CTNND1: variants seen among roughly 807,000 people sequenced by gnomAD.
CTNND1 encodes the protein catenin delta 1, also known as catenin delta-1.
A neutral mutation model predicts 112.1 loss-of-function variants in CTNND1; 16 were observed. The observed-to-expected ratio is 0.14, with a 90% CI of 0.10 to 0.22. CTNND1 has a LOEUF of 0.22. CTNND1 is among the 10% of genes least tolerant of loss of function. The pLI, the probability that CTNND1 is intolerant of heterozygous loss-of-function variation, is 1.00. For synonymous variants in CTNND1, 420 were observed against 446.5 expected (o/e 0.94, Z 0.75); for missense variants, 1,008 against 1,257.0 (o/e 0.80, Z 3.00).
intron 1 of CTNND1, among the ~76,000 whole-genome samples, chr11:57,772,186 C>T (rs554119312): frequency 1.1e-3 from 160 of 151,638 alleles, no homozygotes; most frequent in Non-Finnish European, 1.7e-3. Context: ...CCTGCCTCGC[C>T]CTCCCAAAGT....
chr11:57,771,102 G>GA (rs918912217), intron 1 of CTNND1, among the ~76,000 whole-genome samples: 76 of 144,864 alleles, frequency 5.2e-4, no homozygotes, highest in African/African-American at 1.3e-3. Flanking sequence ...ATCACAGTTG[G>GA]AAAAAAAAAA....
At chr11:57,779,241 C>G (rs2059323721) in intron 1 of CTNND1, among the ~76,000 whole-genome samples, 1 of 152,164 alleles carries the variant, frequency 6.6e-6, no homozygotes, top group Non-Finnish European at 1.5e-5. Flanking sequence ...CAGGAGAAAC[C>G]TACCCGCTTA....
chr11:57,801,857 C>T lies in CTNND1; in HGVS notation c.1081C>T (p.Pro361Ser). The change falls in exon 7 of 21, where the codon CCT (proline) becomes TCT (serine). Residue 361 changes from proline (P) to serine (S), a missense_variant. Transcript: ENST00000399050. ...DSLRKGGPPP[P>S]NWRQPELPEV... Reference sequence around the variant, plus strand: ...CCTGCGCAAAGGAGGGCCTCCACCTCCTAATTGGAGACAGCCAGAGCTGCC... The same window carrying T: ...CCTGCGCAAAGGAGGGCCTCCACCTTCTAATTGGAGACAGCCAGAGCTGCC... 1.2e-6 allele frequency: 2 copies of T among 1,614,050 alleles called. No homozygotes were observed. Among genetic ancestry groups the T allele is most frequent in the African/African-American group, 2.7e-5 (2 of 75,052 alleles).
chr11:57,766,077 G>A (rs1950992933), intron 1 of CTNND1, among the ~76,000 whole-genome samples: 1 of 152,112 alleles, frequency 6.6e-6, no homozygotes, highest in South Asian at 2.1e-4. Context: ...CCTCCAGACT[G>A]GGCTTGCAGA....
intron 18 of CTNND1, among the ~76,000 whole-genome samples, chr11:57,814,636 T>G (rs549740153): frequency 1.3e-5 from 2 of 152,320 alleles, no homozygotes; most frequent in Admixed American, 1.3e-4. Context: ...TGTAGCCCAT[T>G]ATATTCCTAC....
intron 5 of CTNND1, among the ~76,000 whole-genome samples, chr11:57,796,247 G>A (rs143706233): frequency 6.6e-6 from 1 of 151,964 alleles, no homozygotes; most frequent in Admixed American, 6.6e-5. Flanking sequence ...TTAGCCAGGT[G>A]TGGTGGTGTG....
chr11:57,804,883 T>A (rs2062453944), intron 9 of CTNND1, 103 bp downstream of exon 9: 2 of 798,284 alleles, frequency 2.5e-6, no homozygotes, highest in Admixed American at 4.7e-5. Context: ...CAAGTAACAT[T>A]AAATATTTAT....
chr11:57,814,008 G>A (rs189687924), intron 17 of CTNND1: 5 of 214,860 alleles, frequency 2.3e-5, no homozygotes, highest in Admixed American at 2.3e-4. Flanking sequence ...AGATGGAATT[G>A]TTTTTTGATT....
Position 57,803,615 on chromosome 11 carries a change from T to C in CTNND1, c.1421-6T>C, listed in dbSNP as rs1192205733. ...CAAGAGCCATCTGATGAATTGTCTC[T>C]TCCAGGAACCCTGTGGAATCTTTCA... On this transcript the variant is annotated splice_region_variant and splice_polypyrimidine_tract_variant and intron_variant, in intron 7 of 20. Transcript: ENST00000399050. 1.1e-5 allele frequency: 18 copies of C among 1,605,060 alleles called. No homozygotes were observed. Among genetic ancestry groups the C allele is most frequent in the East Asian group, 2.2e-5 (1 of 44,648 alleles).
At chr11:57,791,333 T>A (rs1473306267) in intron 2 of CTNND1, 52 bp from the exon 3 acceptor site, 2 of 1,278,164 alleles carry the variant, frequency 1.6e-6, no homozygotes, top group Non-Finnish European at 2.0e-6. Context: ...AATTCATCTG[T>A]CTTCTCTGAC....
rs2062295919 is a variant in CTNND1, at chr11:57,803,653, A to G, written c.1453A>G (p.Ile485Val). Residue 485 changes from isoleucine (I) to valine (V), a missense_variant, in exon 8 of 21, where the codon ATC (isoleucine) becomes GTC (valine). Physicochemically the swap from Ile to Val is conservative, Grantham distance 29. Around this residue, in one of 5 missense-constraint regions of CTNND1, gnomAD observed 216 missense variants for 342.8 expected, o/e 0.63. Transcript: ENST00000399050. ...GTGGAATCTTTCATCCCATGACTCA[A>G]TCAAAATGGAGATTGTGGACCATGC... ...TLWNLSSHDSIKMEIVDHALH... is the reference protein window; with the variant it reads ...TLWNLSSHDSVKMEIVDHALH... 1 of 1,612,666 alleles carries G rather than the reference A, an allele frequency of 6.2e-7. No homozygotes were observed. Among genetic ancestry groups the G allele is most frequent in the Non-Finnish European group, 8.5e-7 (1 of 1,179,450 alleles).
Position 57,796,949 on chromosome 11 carries a change from G to A in CTNND1, c.913G>A (p.Ala305Thr), listed in dbSNP as rs781576286. The change falls in exon 6 of 21, where the codon GCC (alanine) becomes ACC (threonine). Residue 305 changes from alanine to threonine, a missense_variant. Coordinates refer to ENST00000399050, the MANE Select transcript of CTNND1 (RefSeq NM_001085458.2). ...TGGTATGATGTCTGATTATGGCACT[G>A]CCCGTCGGACTGGGACACCCTCTGA... Reference protein sequence around the residue: ...DYGMMSDYGTARRTGTPSDPR... With the variant: ...DYGMMSDYGTTRRTGTPSDPR... 19 of 1,540,194 alleles carry A rather than the reference G, an allele frequency of 1.2e-5. 1 individual carries two copies. The South Asian group carries it at 2.3e-4, about 19-fold the overall frequency.
rs920179547 is a variant in CTNND1, at chr11:57,794,013, G to A, written c.199G>A (p.Gly67Ser). Reference sequence around the variant, plus strand: ...CTTCTTGTGGGCTGTGTTTCAGAACGGCCGGTTTGTGGGCGATGCTGACCT... The same window carrying A: ...CTTCTTGTGGGCTGTGTTTCAGAACAGCCGGTTTGTGGGCGATGCTGACCT... ...NGTLTRRHQN[G>S]RFVGDADLER... The change falls in exon 4 of 21, where the codon GGC (glycine) becomes AGC (serine). Residue 67 changes from glycine (G) to serine (S), a missense_variant. By Grantham distance (56) the Gly-to-Ser change is moderately conservative. Coordinates refer to ENST00000399050, the MANE Select transcript of CTNND1 (RefSeq NM_001085458.2). 10 of 1,613,806 alleles carry A rather than the reference G, an allele frequency of 6.2e-6. No homozygotes were observed. The highest frequency in any genetic ancestry group is 2.7e-5 in the African/African-American group (2 of 74,900).
rs1367783248 is a variant in CTNND1, at chr11:57,791,437, T to G, written c.-42T>G. ...CTTCTCCTTCCTCTGTGATTCACCT[T>G]CCTTTTTACCCTGCCCTGCGGCGGC... On this transcript the variant is annotated 5_prime_UTR_variant, in exon 3 of 21. Transcript: ENST00000399050. 1 of 1,396,668 alleles carries G rather than the reference T, an allele frequency of 7.2e-7. No individual in the cohort carries two copies. Among genetic ancestry groups the G allele is most frequent in the South Asian group, 1.6e-5 (1 of 62,592 alleles). The allele number at this position is 1,396,668 out of a possible 1,614,324, so 86.5% of individuals were successfully genotyped here.
chr11:57,814,645 A>G (rs2063744909), intron 18 of CTNND1, among the ~76,000 whole-genome samples: 1 of 151,910 alleles, frequency 6.6e-6, no homozygotes, highest in African/African-American at 2.4e-5. Context: ...TTATATTCCT[A>G]CCCCAGTCTC....
intron 7 of CTNND1, 39 bp downstream of exon 7, chr11:57,802,235 T>TA (rs1236727212): frequency 9.2e-6 from 14 of 1,520,328 alleles, no homozygotes; most frequent in African/African-American, 4.1e-5. Context: ...AAGTCAGTGT[T>TA]ACTCTCTAGT....
intron 7 of CTNND1, 101 bp from the exon 8 acceptor site, chr11:57,803,520 G>T: frequency 1.2e-6 from 1 of 864,490 alleles, no homozygotes; most frequent in East Asian, 2.8e-5. Flanking sequence ...TTGGTCACTG[G>T]GGAAGACTGA....
rs188660755 is a variant in CTNND1, at chr11:57,764,508, A to G, written c.-214+2389A>G. On this transcript the variant is annotated intron_variant, in intron 1 of 20. Transcript: ENST00000399050. ...GGAATAACAAAATGATTAGCTTTGT[A>G]TAATTTATCTCCTTCTATTTTGGTA... Among the ~76,000 whole-genome samples the G allele has an allele frequency of 2.1e-3, 317 of 152,276 alleles. 1 individual carries two copies. Among genetic ancestry groups the G allele is most frequent in the African/African-American group, 7.0e-3 (291 of 41,564 alleles).
chr11:57,811,368 G>C (rs1406214443), intron 16 of CTNND1, 31 bp from the exon 17 acceptor site: 1 of 1,549,752 alleles, frequency 6.5e-7, no homozygotes, highest in African/African-American at 1.4e-5. Context: ...TCAGTATTCT[G>C]TCACATTGTC....
Sources: gnomAD v4.1 joint callset for allele counts (sites outside exome capture counted in the v4.1 genomes callset) on GRCh38, gnomAD v4.1.1 for gene constraint, gnomAD v4.1.1 regional missense constraint, MANE v1.5 for transcripts, NCBI Gene and HGNC (gene_info 2026-07-23, HGNC 2026-07-21) for gene names.